GPHN: variants seen among roughly 807,000 people sequenced by gnomAD.
The protein encoded by GPHN is gephyrin.
In GPHN, 17 loss-of-function variants were observed where a neutral mutation model predicts 95.5. The ratio of observed to expected loss-of-function variants is 0.18; its 90% confidence interval spans 0.12 to 0.27. GPHN has a LOEUF of 0.27. GPHN is among the 10% of genes least tolerant of loss of function. The pLI is 1.00. For missense variants in GPHN, 660 were observed against 978.1 expected, an observed-to-expected ratio of 0.67 and a Z score of 4.34; for synonymous variants, 320 against 322.5, an observed-to-expected ratio of 0.99 and a Z score of 0.08.
chr14:66,788,959 A>G (rs974975988), intron 3 of GPHN, among the ~76,000 whole-genome samples: 2 of 152,216 alleles, frequency 1.3e-5, no homozygotes, highest in Non-Finnish European at 2.9e-5. Flanking sequence ...ACTTCTTAAT[A>G]AAACCTATCC....
intron 1 of GPHN, among the ~76,000 whole-genome samples, chr14:66,679,119 A>G (rs2066788868): frequency 6.6e-6 from 1 of 152,210 alleles, no homozygotes. Flanking sequence ...CTGTTTACAC[A>G]TTGACTGTAG....
intron 1 of GPHN, among the ~76,000 whole-genome samples, chr14:66,622,064 C>T (rs2063329730): frequency 6.6e-6 from 1 of 152,160 alleles, no homozygotes; most frequent in African/African-American, 2.4e-5. Context: ...TCATGAGCGC[C>T]CCACCCCTGC....
chr14:66,874,585 C>T (rs2063572473), intron 4 of GPHN, among the ~76,000 whole-genome samples: 1 of 152,114 alleles, frequency 6.6e-6, no homozygotes, highest in Non-Finnish European at 1.5e-5. Flanking sequence ...AGCTGAGAAA[C>T]ACAACACGAA....
chr14:66,830,559 G>A (rs1171305694), intron 4 of GPHN, among the ~76,000 whole-genome samples: 1 of 151,938 alleles, frequency 6.6e-6, no homozygotes, highest in East Asian at 1.9e-4. Flanking sequence ...TCAAACAAAA[G>A]AAGAAATAGC....
the GPHN span, among the ~76,000 whole-genome samples, chr14:67,433,319 G>A: frequency 6.6e-6 from 1 of 152,206 alleles, no homozygotes; most frequent in Non-Finnish European, 1.5e-5. Context: ...GCATGAGAAT[G>A]AGAGTAAGAG....
At chr14:67,279,294 G>C in the GPHN span, 1 of 1,613,948 alleles carries the variant, frequency 6.2e-7, no homozygotes, top group Non-Finnish European at 8.5e-7. Context: ...CTGCCCTGGA[G>C]ATTTGGGCAC....
intron 4 of GPHN, among the ~76,000 whole-genome samples, chr14:66,827,720 T>C (rs1454274422): frequency 6.6e-6 from 1 of 152,152 alleles, no homozygotes; most frequent in East Asian, 1.9e-4. Context: ...ATGAAGTCTT[T>C]AGAATCTTGT....
At chr14:66,645,151 C>A (rs2064663588) in intron 1 of GPHN, among the ~76,000 whole-genome samples, 1 of 151,980 alleles carries the variant, frequency 6.6e-6, no homozygotes, top group Non-Finnish European at 1.5e-5. Context: ...TTAGAAATTC[C>A]TGAATATTTA....
chr14:67,425,609 A>C, the GPHN span, among the ~76,000 whole-genome samples: 1 of 152,244 alleles, frequency 6.6e-6, no homozygotes, highest in Non-Finnish European at 1.5e-5. Context: ...TTCTCCCGGC[A>C]AGACAAAGCA....
Position 67,059,844 on chromosome 14 carries a change from AT to A in GPHN, c.1144+1059del, listed in dbSNP as rs199788988. On this transcript the variant is annotated intron_variant, in intron 11 of 22. Coordinates refer to ENST00000478722, the MANE Select transcript of GPHN (RefSeq NM_020806.5). ...TAGATATGCATATCATTAGGCTTAA[AT>A]CGTTTGTTTTTCTTTTACTCCTCAA... Among the ~76,000 whole-genome samples the A allele has an allele frequency of 3.0e-3, 455 of 152,224 alleles. 3 individuals carry two copies. The highest frequency in any genetic ancestry group is 0.011 in the African/African-American group (437 of 41,546).
At chr14:66,795,156 A>G (rs1295609914) in intron 3 of GPHN, among the ~76,000 whole-genome samples, 1 of 152,324 alleles carries the variant, frequency 6.6e-6, no homozygotes, top group East Asian at 1.9e-4. Flanking sequence ...ATATTTTTAT[A>G]TCTGCATATT....
At chr14:67,252,669 G>T in the GPHN span, among the ~76,000 whole-genome samples, 1 of 152,130 alleles carries the variant, frequency 6.6e-6, no homozygotes, top group Non-Finnish European at 1.5e-5. Flanking sequence ...GGTGTCCAGA[G>T]AATTGGTGTG....
intron 9 of GPHN, among the ~76,000 whole-genome samples, chr14:66,974,668 A>G (rs909851915): frequency 6.6e-6 from 1 of 152,130 alleles, no homozygotes. Context: ...ACTCATTTGG[A>G]AAAAATTTTT....
intron 5 of GPHN, among the ~76,000 whole-genome samples, chr14:66,892,435 G>A (rs952653792): frequency 5.3e-5 from 8 of 152,090 alleles, no homozygotes; most frequent in African/African-American, 1.9e-4. Context: ...AGAATTGAAA[G>A]CAGGGACTGT....
chr14:66,868,603 A>G (rs985078954), intron 4 of GPHN, among the ~76,000 whole-genome samples: 1 of 152,140 alleles, frequency 6.6e-6, no homozygotes, highest in African/African-American at 2.4e-5. Context: ...CATGTTGGCC[A>G]GGCTGGTCTC....
At chr14:67,435,113 C>T in the GPHN span, among the ~76,000 whole-genome samples, 1 of 151,910 alleles carries the variant, frequency 6.6e-6, no homozygotes, top group African/African-American at 2.4e-5. Flanking sequence ...ATTATAGGCA[C>T]CCGCCACCAT....
At chr14:67,585,757 C>A in the GPHN span, 1 of 1,019,078 alleles carries the variant, frequency 9.8e-7, no homozygotes, top group Non-Finnish European at 1.5e-6. Flanking sequence ...ACCATGGCTG[C>A]CCTACCCCCA....
rs111233485 is a variant in GPHN at position 66,826,772 on chromosome 14, G to A, written c.294+2206G>A. ...CCCTCTCAGTATTTAGCGCCCCTCC[G>A]GCACCTTGATGTGTTCATCACTCTG... On this transcript the variant is annotated intron_variant, in intron 4 of 22. Transcript: ENST00000478722. 8.5e-5 allele frequency among the ~76,000 whole-genome samples: 13 copies of A among 152,158 alleles called. 2 individuals are homozygous for A. Among genetic ancestry groups the A allele is most frequent in the African/African-American group, 2.9e-4 (12 of 41,508 alleles).
the GPHN span, among the ~76,000 whole-genome samples, chr14:67,239,780 C>T: frequency 1.3e-5 from 2 of 152,146 alleles, no homozygotes; most frequent in African/African-American, 4.8e-5. Context: ...CGCTTGAACC[C>T]GGGGAGCGGA....
Sources: gnomAD v4.1 joint callset for allele counts (sites outside exome capture counted in the v4.1 genomes callset) on GRCh38, gnomAD v4.1.1 for gene constraint, MANE v1.5 for transcripts, NCBI Gene and HGNC (gene_info 2026-07-23, HGNC 2026-07-21) for gene names.